CCNY: variants seen among roughly 807,000 people sequenced by gnomAD.
The protein encoded by CCNY is cyclin Y, also known as cyclin-Y.
CCNY carries 19 observed loss-of-function variants against 42.8 expected under a neutral mutation model. The observed-to-expected ratio is 0.44, with a 90% CI of 0.31 to 0.65. CCNY has a LOEUF of 0.65. Ranked by LOEUF, CCNY falls within the 30% of genes least tolerant of loss-of-function variation. CCNY has a pLI of 0.07. For synonymous variants in CCNY, 165 were observed against 162.7 expected (o/e 1.01, Z -0.11); for missense variants, 370 against 437.3 (o/e 0.85, Z 1.37).
chr10:35,363,917 G>A (rs754939994), intron 1 of CCNY, among the ~76,000 whole-genome samples: 16 of 152,180 alleles, frequency 1.1e-4, no homozygotes, highest in Admixed American at 2.6e-4. Flanking sequence ...GGAGAAGAGC[G>A]GAGAAAGATT....
chr10:35,470,794 C>T (rs1839377138), intron 1 of CCNY, among the ~76,000 whole-genome samples: 1 of 152,172 alleles, frequency 6.6e-6, no homozygotes, highest in Non-Finnish European at 1.5e-5. Context: ...CTGATTTCAT[C>T]CTGTTGACAC....
intron 1 of CCNY, among the ~76,000 whole-genome samples, chr10:35,428,074 C>T (rs1028558813): frequency 6.6e-6 from 1 of 152,180 alleles, no homozygotes; most frequent in African/African-American, 2.4e-5. Context: ...CAGATTTATG[C>T]TGTCCTTTCA....
At chr10:35,365,131 T>G (rs2135163273) in intron 1 of CCNY, among the ~76,000 whole-genome samples, 1 of 152,316 alleles carries the variant, frequency 6.6e-6, no homozygotes. Context: ...AAACTTAATC[T>G]GGTAATGTTT....
chr10:35,329,755 T>C (rs1589038411), intron 3 of CCNY, among the ~76,000 whole-genome samples: 1 of 150,998 alleles, frequency 6.6e-6, no homozygotes, highest in South Asian at 2.1e-4. Context: ...ACAGAGGGAG[T>C]TGTGAGCAGG....
chr10:35,304,259 G>A (rs955558793), intron 3 of CCNY, among the ~76,000 whole-genome samples: 28 of 151,714 alleles, frequency 1.8e-4, no homozygotes, highest in South Asian at 4.2e-4. Context: ...AATAAGAGCC[G>A]TTGTAAGATC....
At chr10:35,317,007 G>A (rs1217825196) in intron 3 of CCNY, among the ~76,000 whole-genome samples, 1 of 152,096 alleles carries the variant, frequency 6.6e-6, no homozygotes, top group Non-Finnish European at 1.5e-5. Flanking sequence ...CACCACGCCC[G>A]GCTAATTTTT....
intron 1 of CCNY, among the ~76,000 whole-genome samples, chr10:35,356,564 G>T (rs1390814487): frequency 2.0e-5 from 3 of 152,168 alleles, no homozygotes; most frequent in Non-Finnish European, 2.9e-5. Context: ...AGCATGGTTG[G>T]CTGGGTGGTG....
intron 2 of CCNY, among the ~76,000 whole-genome samples, chr10:35,489,050 C>T (rs1839844569): frequency 6.6e-6 from 1 of 152,184 alleles, no homozygotes; most frequent in African/African-American, 2.4e-5. Flanking sequence ...GAGGCTGAGG[C>T]AAGCGGATCA....
In CCNY at chr10:35,307,813, TATATA is replaced by T. The variant is rs1442802523; in HGVS notation, c.-9+57188_-9+57192del. On this transcript the variant is annotated intron_variant, in intron 3 of 11. Transcript: ENST00000374706. ...GTGTGTGTGTGTGTATATATATATA[TATATA>T]TTTTTTTTTTTTTTTCTGAGATGGA... Among the ~76,000 whole-genome samples, 153 of 71,032 alleles carry T rather than the reference TATATA, an allele frequency of 2.2e-3. 4 individuals carry two copies. Among genetic ancestry groups the T allele is most frequent in the South Asian group, 5.9e-3 (10 of 1,690 alleles). 46.6% of individuals were successfully genotyped at this position (71,032 alleles called of 152,430 possible).
At chr10:35,399,474 A>C (rs1289548214) in intron 1 of CCNY, among the ~76,000 whole-genome samples, 2 of 152,210 alleles carry the variant, frequency 1.3e-5, no homozygotes, top group African/African-American at 4.8e-5. Context: ...CCTGCCTGCC[A>C]GGTGGCCGAC....
chr10:35,364,699 T>G (rs1192633534), intron 1 of CCNY, among the ~76,000 whole-genome samples: 1 of 152,268 alleles, frequency 6.6e-6, no homozygotes, highest in African/African-American at 2.4e-5. Flanking sequence ...TTTTTATACT[T>G]CATTTTTTCC....
chr10:35,331,873 A>T (rs1344462387), upstream of CCNY, among the ~76,000 whole-genome samples: 1 of 152,208 alleles, frequency 6.6e-6, no homozygotes, highest in African/African-American at 2.4e-5. Context: ...CAGTGGCTGT[A>T]ATCACTCTCA....
intron 1 of CCNY, among the ~76,000 whole-genome samples, chr10:35,447,551 G>A (rs1838820435): frequency 6.6e-6 from 1 of 152,104 alleles, no homozygotes; most frequent in Non-Finnish European, 1.5e-5. Context: ...CATTTCTTAA[G>A]AAAAACTTGC....
intron 1 of CCNY, among the ~76,000 whole-genome samples, chr10:35,436,624 G>A (rs566600101): frequency 1.3e-5 from 2 of 152,286 alleles, no homozygotes; most frequent in African/African-American, 4.8e-5. Context: ...TTACCCACAT[G>A]TTGCTCTTTT....
chr10:35,375,967 G>A (rs1837042987), intron 1 of CCNY, among the ~76,000 whole-genome samples: 1 of 152,146 alleles, frequency 6.6e-6, no homozygotes, highest in South Asian at 2.1e-4. Flanking sequence ...ACACCGAAAG[G>A]AGGACTGCTC....
intron 1 of CCNY, among the ~76,000 whole-genome samples, chr10:35,443,414 T>C (rs1838718177): frequency 6.6e-6 from 1 of 152,202 alleles, no homozygotes; most frequent in South Asian, 2.1e-4. Flanking sequence ...TATGCTGTTT[T>C]CTGGTTTAAA....
chr10:35,515,619 G>GC (rs1840412224), intron 3 of CCNY, among the ~76,000 whole-genome samples: 1 of 152,178 alleles, frequency 6.6e-6, no homozygotes, highest in South Asian at 2.1e-4. Context: ...TGCTGAAAAT[G>GC]ACACTTAGAC....
intron 7 of CCNY, among the ~76,000 whole-genome samples, chr10:35,532,443 G>A (rs1187750259): frequency 6.6e-6 from 1 of 152,254 alleles, no homozygotes. Context: ...TGTGGACAGA[G>A]AGCCTACAGG....
At chr10:35,391,933 CTG>C (rs1837422770) in intron 1 of CCNY, among the ~76,000 whole-genome samples, 1 of 152,264 alleles carries the variant, frequency 6.6e-6, no homozygotes, top group East Asian at 1.9e-4. Context: ...TCTCCCATGA[CTG>C]TCTCATTGCC....
Sources: allele counts gnomAD v4.1 joint callset (sites outside exome capture counted in the v4.1 genomes callset), GRCh38; gene constraint gnomAD v4.1.1; transcripts MANE v1.5; gene names NCBI Gene and HGNC (gene_info 2026-07-23, HGNC 2026-07-21).